Variants in FRMD6 observed in about 807,000 individuals in gnomAD.
The protein encoded by FRMD6 is FERM domain-containing protein 6.
A neutral mutation model predicts 73.2 loss-of-function variants in FRMD6; 37 were observed. The ratio of observed to expected loss-of-function variants is 0.51; its 90% confidence interval spans 0.39 to 0.66. The LOEUF (loss-of-function observed/expected upper bound fraction) is 0.66. Ranked by LOEUF, FRMD6 falls within the 30% of genes least tolerant of loss-of-function variation. The pLI, the probability that FRMD6 is intolerant of heterozygous loss-of-function variation, is 0.00. For missense variants in FRMD6, 714 were observed against 780.5 expected, an observed-to-expected ratio of 0.91 and a Z score of 1.02; for synonymous variants, 273 against 282.2, an observed-to-expected ratio of 0.97 and a Z score of 0.33.
At chr14:51,561,791 G>C (rs1285440555) in intron 1 of FRMD6, among the ~76,000 whole-genome samples, 2 of 152,056 alleles carry the variant, frequency 1.3e-5, no homozygotes, top group Non-Finnish European at 2.9e-5. Context: ...AATCCTTTCA[G>C]GCTATTTTAA....
intron 1 of FRMD6, among the ~76,000 whole-genome samples, chr14:51,682,308 T>C (rs1262426830): frequency 6.6e-6 from 1 of 152,142 alleles, no homozygotes; most frequent in Non-Finnish European, 1.5e-5. Flanking sequence ...TGGTGAATAG[T>C]GACTATTCTC....
the FRMD6 span, among the ~76,000 whole-genome samples, chr14:51,402,708 G>A: frequency 3.3e-5 from 5 of 149,586 alleles, no homozygotes; most frequent in South Asian, 4.2e-4. Context: ...GCATGATCTC[G>A]GCTCACTGCA....
the FRMD6 span, among the ~76,000 whole-genome samples, chr14:51,464,834 A>G: frequency 6.6e-6 from 1 of 152,124 alleles, no homozygotes; most frequent in Non-Finnish European, 1.5e-5. Flanking sequence ...AGGTATATAT[A>G]CCTGAAGCAG....
chr14:51,620,742 G>A (rs757178039), intron 2 of FRMD6, among the ~76,000 whole-genome samples: 3 of 152,168 alleles, frequency 2.0e-5, no homozygotes, highest in Non-Finnish European at 4.4e-5. Context: ...ACATGACAAT[G>A]CACAGACCCA....
chr14:51,480,617 T>C, the FRMD6 span, among the ~76,000 whole-genome samples: 1 of 152,284 alleles, frequency 6.6e-6, no homozygotes, highest in Non-Finnish European at 1.5e-5. Context: ...AATGACTACA[T>C]TGATTAGGGG....
chr14:51,399,934 GT>G, the FRMD6 span, among the ~76,000 whole-genome samples: 382 of 141,716 alleles, frequency 2.7e-3, 3 homozygotes, highest in African/African-American at 8.3e-3. Flanking sequence ...AGAGAATGTT[GT>G]TTTTTTTTTT....
intron 1 of FRMD6, among the ~76,000 whole-genome samples, chr14:51,513,228 C>T (rs546290143): frequency 6.6e-6 from 1 of 152,310 alleles, no homozygotes; most frequent in East Asian, 1.9e-4. Context: ...GTCCCCTACC[C>T]CACTCCTTGT....
intron 3 of FRMD6, 119 bp downstream of exon 3, chr14:51,698,351 G>T: frequency 7.5e-6 from 4 of 531,370 alleles, no homozygotes; most frequent in South Asian, 7.4e-5. Flanking sequence ...AAATACCCAT[G>T]GACTGATTTT....
the FRMD6 span, among the ~76,000 whole-genome samples, chr14:51,418,588 C>T: frequency 5.9e-5 from 9 of 152,198 alleles, no homozygotes; most frequent in African/African-American, 2.2e-4. Context: ...AGGTGTCAGT[C>T]GGCCCCTACT....
intron 13 of FRMD6, among the ~76,000 whole-genome samples, chr14:51,726,287 G>A (rs1206930090): frequency 6.6e-6 from 1 of 152,196 alleles, no homozygotes; most frequent in African/African-American, 2.4e-5. Flanking sequence ...TGAGCCTAGA[G>A]CATTTGACAA....
chr14:51,483,700 G>A, the FRMD6 span, among the ~76,000 whole-genome samples: 1 of 152,212 alleles, frequency 6.6e-6, no homozygotes, highest in Non-Finnish European at 1.5e-5. Context: ...AATCAGGGAA[G>A]TGATAAAGTT....
chr14:51,581,716 T>A (rs1203286560), intron 2 of FRMD6, among the ~76,000 whole-genome samples: 5 of 152,240 alleles, frequency 3.3e-5, no homozygotes, highest in African/African-American at 9.6e-5. Context: ...ATTCTTGGCA[T>A]CACATTCTAC....
chr14:51,539,686 G>A (rs866867205), intron 1 of FRMD6, among the ~76,000 whole-genome samples: 2 of 152,088 alleles, frequency 1.3e-5, no homozygotes, highest in African/African-American at 2.4e-5. Context: ...AGCCAGTAAC[G>A]TGGTTCCCCC....
chr14:51,633,822 A>G (rs1192003352), intron 2 of FRMD6, among the ~76,000 whole-genome samples: 1 of 152,194 alleles, frequency 6.6e-6, no homozygotes, highest in Non-Finnish European at 1.5e-5. Context: ...TACTTCACAT[A>G]CTAAATTACT....
chr14:51,721,754 G>GGAGA (rs1897619885), intron 11 of FRMD6, among the ~76,000 whole-genome samples, 195 bp from the exon 12 acceptor site: 1 of 16,494 alleles, frequency 6.1e-5, no homozygotes, highest in African/African-American at 2.5e-4. Context: ...AAGGGAGGAA[G>GGAGA]GAAGGAGGGA....
chr14:51,700,974 A>G, intron 3 of FRMD6, 82 bp from the exon 4 acceptor site: 1 of 634,998 alleles, frequency 1.6e-6, no homozygotes, highest in Non-Finnish European at 2.5e-6. Context: ...TGAGGCTTTA[A>G]AAGAAACTTG....
At chr14:51,500,986 G>T (rs1356223834) in intron 1 of FRMD6, among the ~76,000 whole-genome samples, 1 of 152,202 alleles carries the variant, frequency 6.6e-6, no homozygotes, top group Non-Finnish European at 1.5e-5. Context: ...AAACTTGCCA[G>T]CTTATCAGGG....
chr14:51,581,825 A>T (rs1888741501), intron 2 of FRMD6, among the ~76,000 whole-genome samples: 1 of 152,212 alleles, frequency 6.6e-6, no homozygotes, highest in Admixed American at 6.5e-5. Context: ...TGCTTTCCCT[A>T]CCCGCATTAA....
chr14:51,477,793 G>A, the FRMD6 span, among the ~76,000 whole-genome samples: 3 of 145,424 alleles, frequency 2.1e-5, no homozygotes, highest in Admixed American at 7.0e-5. Context: ...AGACTGGAGT[G>A]CAGTGGCACG....
Sources: gnomAD v4.1 joint callset for allele counts (sites outside exome capture counted in the v4.1 genomes callset) on GRCh38, gnomAD v4.1.1 for gene constraint, MANE v1.5 for transcripts, NCBI Gene and HGNC (gene_info 2026-07-23, HGNC 2026-07-21) for gene names.